SNX29: variants seen among roughly 807,000 people sequenced by gnomAD.
SNX29 encodes the protein sorting nexin-29.
In SNX29, 78 loss-of-function variants were observed where a neutral mutation model predicts 102.1. The ratio of observed to expected loss-of-function variants is 0.76; its 90% CI spans 0.64 to 0.92. The LOEUF (loss-of-function observed/expected upper bound fraction) is 0.92, where lower values mean the gene tolerates loss of function less well. Among genes scored for constraint, SNX29 ranks in the 40% least tolerant of loss-of-function variants. The pLI is 0.00. For missense variants in SNX29, 1,280 were observed against 1,061.7 expected (o/e 1.21, Z -2.86); for synonymous variants, 580 against 414.5 (o/e 1.40, Z -4.85).
intron 20 of SNX29, among the ~76,000 whole-genome samples, chr16:12,547,266 C>T (rs1019214928): frequency 6.6e-6 from 1 of 152,274 alleles, no homozygotes; most frequent in Non-Finnish European, 1.5e-5. Context: ...GTCCTGCAGC[C>T]TTGAAGAGTT....
In SNX29 at chr16:12,067,028, T is replaced by C. The variant is rs2051070859; in HGVS notation, c.1244-2029T>C. ...ATAAATAAATAAATAAATAAATAAA[T>C]AAATAAGCAGGCCAGTCATGAGGGT... On this transcript the variant is annotated intron_variant, in intron 9 of 20. Coordinates refer to ENST00000566228, the MANE Select transcript of SNX29 (RefSeq NM_032167.5). 5.0e-5 allele frequency among the ~76,000 whole-genome samples: 6 copies of C among 120,870 alleles called. No individual in the cohort carries two copies. The South Asian group carries it at 1.8e-3, about 36-fold the overall frequency. The allele number at this position is 120,870 out of a possible 152,430, so 79.3% of individuals were successfully genotyped here.
chr16:12,545,839 G>A (rs1243837101), intron 20 of SNX29, among the ~76,000 whole-genome samples: 1 of 152,110 alleles, frequency 6.6e-6, no homozygotes, highest in Non-Finnish European at 1.5e-5. Context: ...TGGGGGAGGG[G>A]AGCAGATCAC....
Position 12,572,649 on chromosome 16 carries a change from C to T in SNX29, c.*4020C>T, listed in dbSNP as rs1328374511. ...ATCCATCCTTCATTCCTCCACCAAG[C>T]TCCTGTGTGAGCTGCAGCACCCACA... is the stretch of plus-strand genomic sequence containing the variant. On this transcript the variant is annotated 3_prime_UTR_variant, in exon 21 of 21. Coordinates refer to ENST00000566228, the MANE Select transcript of SNX29 (RefSeq NM_032167.5). 1.9e-6 allele frequency: 2 copies of T among 1,063,690 alleles called. No homozygotes were observed. The highest frequency in any genetic ancestry group is 2.3e-6 in the Non-Finnish European group (2 of 878,398). 65.9% of individuals were successfully genotyped at this position (1,063,690 alleles called of 1,614,324 possible). A position where few individuals can be genotyped will look rare whatever the true frequency, so the allele number is the denominator to read the frequency against.
chr16:12,553,835 C>G (rs113395026), intron 20 of SNX29, among the ~76,000 whole-genome samples: 1 of 151,838 alleles, frequency 6.6e-6, no homozygotes, highest in Non-Finnish European at 1.5e-5. Flanking sequence ...ATCCACCCAC[C>G]TAGGTCTACC....
intron 10 of SNX29, among the ~76,000 whole-genome samples, chr16:12,070,736 C>T (rs2051256459): frequency 6.6e-6 from 1 of 151,954 alleles, no homozygotes; most frequent in Non-Finnish European, 1.5e-5. Flanking sequence ...AGTTCTAGAT[C>T]CCTGAGGAAT....
chr16:12,540,631 G>T (rs1168504969), intron 20 of SNX29, among the ~76,000 whole-genome samples: 2 of 152,140 alleles, frequency 1.3e-5, no homozygotes, highest in Admixed American at 1.3e-4. Context: ...AAGAGTCCAG[G>T]ATCATCTCCC....
intron 3 of SNX29, among the ~76,000 whole-genome samples, chr16:12,011,208 T>G (rs77799975): frequency 6.7e-6 from 1 of 149,938 alleles, no homozygotes; most frequent in Middle Eastern, 3.4e-3. Flanking sequence ...TTTTTTTTTT[T>G]GAAAAAAGAT....
chr16:12,567,873 C>T (rs149320543), intron 20 of SNX29, among the ~76,000 whole-genome samples: 76 of 152,264 alleles, frequency 5.0e-4, no homozygotes, highest in Admixed American at 9.2e-4. Context: ...AAAAATGTGC[C>T]GAGGGCCTCC....
At chr16:12,531,932 C>T (rs373067167) in intron 20 of SNX29, among the ~76,000 whole-genome samples, 13 of 152,136 alleles carry the variant, frequency 8.5e-5, no homozygotes, top group East Asian at 1.9e-4. Flanking sequence ...GTCAAGAGGT[C>T]GGAGAGTGTG....
intron 20 of SNX29, among the ~76,000 whole-genome samples, chr16:12,567,800 G>C (rs901570572): frequency 6.6e-6 from 1 of 152,054 alleles, no homozygotes; most frequent in African/African-American, 2.4e-5. Context: ...CACATCACAG[G>C]ACTTCCTGCT....
chr16:12,022,890 T>C (rs1419333192), intron 3 of SNX29, among the ~76,000 whole-genome samples: 1 of 147,622 alleles, frequency 6.8e-6, no homozygotes, highest in East Asian at 1.9e-4. Context: ...ATCAGTACCT[T>C]ATTCCTTTTT....
chr16:12,500,818 T>G (rs2089084276), intron 19 of SNX29, among the ~76,000 whole-genome samples: 1 of 152,194 alleles, frequency 6.6e-6, no homozygotes, highest in Admixed American at 6.5e-5. Flanking sequence ...AGCACTGTTG[T>G]GTGTCATTTT....
Position 11,976,737 on chromosome 16 carries a change from T to C in SNX29, c.-70T>C. On this transcript the variant is annotated 5_prime_UTR_variant, in exon 1 of 21. Transcript: ENST00000566228. ...CGGGGCTCCTGTCTCCCGGCCTGTC[T>C]GGAGCTCGGCAGCCGCAGAAGCGGC... is the stretch of plus-strand genomic sequence containing the variant. The C allele has an allele frequency of 8.4e-7, 1 of 1,188,818 alleles. No individual in the cohort carries two copies. The allele number at this position is 1,188,818 out of a possible 1,614,324, so 73.6% of individuals were successfully genotyped here.
At chr16:12,435,571 GAC>G (rs2151645320) in intron 18 of SNX29, among the ~76,000 whole-genome samples, 1 of 152,272 alleles carries the variant, frequency 6.6e-6, no homozygotes, top group African/African-American at 2.4e-5. Context: ...GCTGTTTCAG[GAC>G]ACAGTCTAGA....
chr16:12,545,605 C>T (rs772786230), intron 20 of SNX29: 2 of 152,230 alleles, frequency 1.3e-5, no homozygotes, highest in Non-Finnish European at 2.9e-5. Flanking sequence ...TCCAGAGGTA[C>T]AGAAAGCAAG....
At chr16:12,539,048 A>G (rs1356805681) in intron 20 of SNX29, among the ~76,000 whole-genome samples, 1 of 152,186 alleles carries the variant, frequency 6.6e-6, no homozygotes, top group Admixed American at 6.5e-5. Flanking sequence ...CCAGAAAGAC[A>G]TCACTGTGTA....
chr16:12,062,449 G>C (rs12446697), intron 9 of SNX29, among the ~76,000 whole-genome samples: 49,241 of 151,566 alleles, frequency 0.32, 7,985 homozygotes, highest in Admixed American at 0.36. Context: ...AAGCATTTTT[G>C]CACCATTCCA....
chr16:12,145,219 A>C (rs779086810), intron 13 of SNX29, among the ~76,000 whole-genome samples: 1 of 151,854 alleles, frequency 6.6e-6, no homozygotes, highest in African/African-American at 2.4e-5. Context: ...AAAAAAAATT[A>C]CCTTTAAATT....
intron 13 of SNX29, among the ~76,000 whole-genome samples, chr16:12,151,000 T>G (rs917015577): frequency 1.3e-5 from 2 of 151,446 alleles, no homozygotes; most frequent in African/African-American, 4.8e-5. Context: ...CCCTGTCTGC[T>G]GTATGGCCAC....
Sources: allele counts gnomAD v4.1 joint callset (sites outside exome capture counted in the v4.1 genomes callset), GRCh38; gene constraint gnomAD v4.1.1; transcripts MANE v1.5; gene names NCBI Gene and HGNC (gene_info 2026-07-23, HGNC 2026-07-21).